Variants in NAV3 observed in about 807,000 individuals in gnomAD.
NAV3 encodes the protein pore membrane and/or filament interacting like protein 1.
Under a neutral mutation model 244.7 loss-of-function variants are expected in NAV3, and 87 were observed. That is an observed-to-expected ratio of 0.36 (90% confidence interval 0.30 to 0.42). NAV3 has a LOEUF of 0.42. Ranked by LOEUF, NAV3 falls within the 20% of genes least tolerant of loss-of-function variation. NAV3 has a pLI of 1.00. For synonymous variants in NAV3, 1,126 were observed against 1,042.2 expected (o/e 1.08, Z -1.55); for missense variants, 2,663 against 2,893.3 (o/e 0.92, Z 1.83).
chr12:77,790,708 G>A (rs565386213), intron 2 of NAV3, among the ~76,000 whole-genome samples: 105 of 152,238 alleles, frequency 6.9e-4, no homozygotes, highest in African/African-American at 2.5e-3. Context: ...TGAGAACCTG[G>A]CCATTTACCT....
chr12:78,146,879 T>G (rs1956884564), intron 21 of NAV3, among the ~76,000 whole-genome samples: 1 of 152,112 alleles, frequency 6.6e-6, no homozygotes, highest in African/African-American at 2.4e-5. Context: ...TCTAATCACA[T>G]ATTTCACAAA....
chr12:77,898,243 G>C (rs60007472), intron 1 of NAV3, among the ~76,000 whole-genome samples: 1 of 151,842 alleles, frequency 6.6e-6, no homozygotes, highest in Non-Finnish European at 1.5e-5. Flanking sequence ...ATTTCATTTC[G>C]TTTTAAATAT....
At chr12:78,166,977 T>C (rs1957805609) in intron 23 of NAV3, among the ~76,000 whole-genome samples, 1 of 151,858 alleles carries the variant, frequency 6.6e-6, no homozygotes, top group Admixed American at 6.6e-5. Flanking sequence ...ATATGCATTC[T>C]AGTATTTACG....
At chr12:77,902,797 T>G (rs1169933831) in intron 1 of NAV3, among the ~76,000 whole-genome samples, 1 of 152,150 alleles carries the variant, frequency 6.6e-6, no homozygotes, top group African/African-American at 2.4e-5. Context: ...CAGCAAAATC[T>G]CAGGATACAA....
intron 12 of NAV3, among the ~76,000 whole-genome samples, chr12:78,102,894 C>G (rs983465191): frequency 6.6e-6 from 1 of 152,066 alleles, no homozygotes; most frequent in Non-Finnish European, 1.5e-5. Context: ...GTATGGGCAC[C>G]CTGGGCCCAG....
rs1884308421 is a variant in NAV3 at position 78,061,444 on chromosome 12, T to C, written c.2636+2329T>C. ...ATACCTGAAATAAATTGGTTCAGCT[T>C]GGTAGATGCAGTTTTTGAGAATTAT... is the stretch of plus-strand genomic sequence containing the variant. On this transcript the variant is annotated intron_variant, in intron 12 of 39. Transcript: ENST00000397909. Among the ~76,000 whole-genome samples, 4 of 152,278 alleles carry C rather than the reference T, an allele frequency of 2.6e-5. No homozygotes were observed. In the South Asian group the frequency reaches 8.3e-4, roughly 32 times the overall value.
chr12:77,972,485 T>A (rs1363409249), intron 5 of NAV3, among the ~76,000 whole-genome samples: 1 of 152,150 alleles, frequency 6.6e-6, no homozygotes, highest in Admixed American at 6.6e-5. Flanking sequence ...GGGTAAAGAT[T>A]CAATATCTTG....
At chr12:77,950,430 C>A (rs1014378066) in intron 3 of NAV3, 14 of 152,090 alleles carry the variant, frequency 9.2e-5, no homozygotes, top group African/African-American at 3.4e-4. Context: ...TGCATCTTTT[C>A]ATATGCTTAT....
At chr12:78,173,690 T>C (rs1958100590) in intron 24 of NAV3, among the ~76,000 whole-genome samples, 1 of 151,432 alleles carries the variant, frequency 6.6e-6, no homozygotes, top group South Asian at 2.1e-4. Context: ...AACCAGTTAA[T>C]GTTCTCATCA....
At chr12:78,104,784 T>C (rs1162214596) in intron 12 of NAV3, among the ~76,000 whole-genome samples, 1 of 152,188 alleles carries the variant, frequency 6.6e-6, no homozygotes, top group Non-Finnish European at 1.5e-5. Flanking sequence ...TGATCTGTTC[T>C]AAATCTCTAT....
chr12:78,051,189 A>AGGT, intron 11 of NAV3, 42 bp downstream of exon 11: 4 of 1,566,814 alleles, frequency 2.6e-6, no homozygotes, highest in Non-Finnish European at 3.5e-6. Context: ...TGAAGAGGGG[A>AGGT]GGTGGTCTAC....
chr12:77,951,540 A>G (rs1472941080), intron 3 of NAV3, among the ~76,000 whole-genome samples: 3 of 152,166 alleles, frequency 2.0e-5, no homozygotes, highest in South Asian at 2.1e-4. Flanking sequence ...AACTAGAAAT[A>G]CCATTTGACC....
chr12:78,154,313 G>GTATATATTACTATATACTATATAA (rs1555183047), intron 22 of NAV3, among the ~76,000 whole-genome samples: 1 of 130,482 alleles, frequency 7.7e-6, no homozygotes. Context: ...ATAATATATA[G>GTATATATTACTATATACTATATAA]TATATATATA....
In NAV3 at chr12:77,740,084, G is replaced by A. The variant is rs758836569; in HGVS notation, c.72+167818G>A. On this transcript the variant is annotated intron_variant, in intron 2 of 8. Transcript: ENST00000550042. ...TTCAATTAAGTTATCAAATAACAAT[G>A]TTGGCAATTCTTTCAATTGTAATAT... is the stretch of plus-strand genomic sequence containing the variant. Among the ~76,000 whole-genome samples, 23 of 152,146 alleles carry A rather than the reference G, an allele frequency of 1.5e-4. 2 individuals are homozygous for A. The highest frequency in any genetic ancestry group is 1.0e-3 in the Admixed American group (16 of 15,274).
chr12:77,940,227 G>C, intron 1 of NAV3, 92 bp from the exon 2 acceptor site: 1 of 883,424 alleles, frequency 1.1e-6, no homozygotes, highest in South Asian at 1.6e-5. Flanking sequence ...ATCCAGAATA[G>C]CTTCCCTTTG....
chr12:77,616,833 T>C (rs935027589), intron 2 of NAV3, among the ~76,000 whole-genome samples: 1 of 152,174 alleles, frequency 6.6e-6, no homozygotes, highest in Non-Finnish European at 1.5e-5. Flanking sequence ...GGTGGAATGA[T>C]ATTCTGCAGA....
chr12:77,804,274 C>T (rs551571734), intron 2 of NAV3, among the ~76,000 whole-genome samples: 9 of 151,980 alleles, frequency 5.9e-5, no homozygotes, highest in South Asian at 4.2e-4. Flanking sequence ...GGGTTTTTAT[C>T]GTTTTAGGTC....
In NAV3 at chr12:77,577,401, C is replaced by T. The variant is rs191139798; in HGVS notation, c.72+5135C>T. ...CATAGAAATCTAAAAATTCATATGGCGGCCTTTTTGCACCTGGCAGCACAC... is the reference window on the plus strand; with the variant it reads ...CATAGAAATCTAAAAATTCATATGGTGGCCTTTTTGCACCTGGCAGCACAC... On this transcript the variant is annotated intron_variant, in intron 2 of 8. Transcript: ENST00000550042. Among the ~76,000 whole-genome samples, 719 of 152,162 alleles carry T rather than the reference C, an allele frequency of 4.7e-3. 4 individuals are homozygous for T. The highest frequency in any genetic ancestry group is 0.016 in the African/African-American group (679 of 41,522).
chr12:77,788,751 T>C (rs1050944705), intron 2 of NAV3, among the ~76,000 whole-genome samples: 2 of 151,916 alleles, frequency 1.3e-5, no homozygotes, highest in Non-Finnish European at 2.9e-5. Flanking sequence ...GGATAAATAA[T>C]AGGATTTCCA....
Sources: allele counts gnomAD v4.1 joint callset (sites outside exome capture counted in the v4.1 genomes callset), GRCh38; gene constraint gnomAD v4.1.1; transcripts MANE v1.5; gene names NCBI Gene and HGNC (gene_info 2026-07-23, HGNC 2026-07-21).